The following FSTL4 variants were observed in gnomAD, a reference collection of about 807,000 sequenced individuals.
FSTL4 encodes follistatin like 4, also known as follistatin-related protein 4.
A neutral mutation model predicts 78.2 loss-of-function variants in FSTL4; 28 were observed. That is an observed-to-expected ratio of 0.36 (90% confidence interval 0.27 to 0.49). The LOEUF (loss-of-function observed/expected upper bound fraction) is 0.49. Among genes scored for constraint, FSTL4 ranks in the 20% least tolerant of loss-of-function variants. The pLI, the probability that FSTL4 is intolerant of heterozygous loss-of-function variation, is 0.98. For synonymous variants in FSTL4, 422 were observed against 440.5 expected, an observed-to-expected ratio of 0.96 and a Z score of 0.53; for missense variants, 922 against 1,084.9, an observed-to-expected ratio of 0.85 and a Z score of 2.11.
chr5:133,794,846 G>A, the FSTL4 span, among the ~76,000 whole-genome samples: 1 of 152,032 alleles, frequency 6.6e-6, no homozygotes, highest in African/African-American at 2.4e-5. Context: ...AAGACGGGGG[G>A]AAGATCCATC....
intron 3 of FSTL4, among the ~76,000 whole-genome samples, chr5:133,554,841 C>T (rs967464330): frequency 1.3e-5 from 2 of 152,170 alleles, no homozygotes; most frequent in East Asian, 1.9e-4. Flanking sequence ...ATCTGCGATG[C>T]GGTACGAGAA....
At chr5:133,260,310 G>C (rs557103583) in intron 6 of FSTL4, among the ~76,000 whole-genome samples, 1 of 152,224 alleles carries the variant, frequency 6.6e-6, no homozygotes, top group Non-Finnish European at 1.5e-5. Context: ...GGTCCTGAAA[G>C]AACATGAATA....
intron 6 of FSTL4, among the ~76,000 whole-genome samples, chr5:133,292,565 A>AAC (rs1753290814): frequency 6.6e-6 from 1 of 151,724 alleles, no homozygotes; most frequent in African/African-American, 2.4e-5. Flanking sequence ...CAAAAAAAAA[A>AAC]AAAGAAAGTG....
At chr5:133,719,707 A>T in the FSTL4 span, among the ~76,000 whole-genome samples, 97 of 150,606 alleles carry the variant, frequency 6.4e-4, no homozygotes, top group African/African-American at 2.1e-3. Flanking sequence ...CCATTTGATT[A>T]TATTAGCAAT....
At chr5:133,570,282 T>C (rs1423573449) in intron 2 of FSTL4, among the ~76,000 whole-genome samples, 1 of 152,098 alleles carries the variant, frequency 6.6e-6, no homozygotes, top group Admixed American at 6.5e-5. Flanking sequence ...CCTTTTATTA[T>C]ACTCTGAAAT....
At chr5:133,246,996 G>A (rs937907685) in intron 7 of FSTL4, 1 of 152,176 alleles carries the variant, frequency 6.6e-6, no homozygotes, top group Non-Finnish European at 1.5e-5. Flanking sequence ...ACTTTCCAAG[G>A]TTCTAGTTAG....
chr5:133,583,223 T>C (rs762891281), intron 2 of FSTL4: 1 of 455,608 alleles, frequency 2.2e-6, no homozygotes, highest in South Asian at 1.5e-5. Context: ...CCACAGTTGG[T>C]ATCACAGTAA....
chr5:133,642,591 G>A, the FSTL4 span, among the ~76,000 whole-genome samples: 1 of 152,174 alleles, frequency 6.6e-6, no homozygotes, highest in African/African-American at 2.4e-5. Flanking sequence ...TCAGATGCCA[G>A]ATTTAGACCT....
chr5:133,374,105 A>G (rs942167418), intron 4 of FSTL4, among the ~76,000 whole-genome samples: 2 of 152,128 alleles, frequency 1.3e-5, no homozygotes, highest in African/African-American at 4.8e-5. Context: ...TAGAAGGGTG[A>G]TTTCACAGGA....
chr5:133,645,166 G>A, the FSTL4 span, among the ~76,000 whole-genome samples: 419 of 152,102 alleles, frequency 2.8e-3, 11 homozygotes, highest in East Asian at 0.068. Flanking sequence ...TCGAAATCCC[G>A]ATACATCTGC....
At chr5:133,418,684 G>A (rs928142951) in intron 3 of FSTL4, among the ~76,000 whole-genome samples, 17 of 152,214 alleles carry the variant, frequency 1.1e-4, no homozygotes, top group African/African-American at 3.1e-4. Flanking sequence ...AATAAGGAGA[G>A]TGACTGAGAG....
In FSTL4 at chr5:133,312,874, G is replaced by A. The variant is rs1008389739; in HGVS notation, c.604-97C>T. On this transcript the variant is annotated intron_variant, in intron 5 of 15. Coordinates refer to ENST00000265342, the MANE Select transcript of FSTL4 (RefSeq NM_015082.2). ...CAGGCCAAGAGGGAATCCAGGGACA[G>A]CTCAGTGGGCCTTGAGGGGTACCTG... 6 of 1,139,222 alleles carry A rather than the reference G, an allele frequency of 5.3e-6. No individual in the cohort carries two copies. In the African/African-American group the frequency reaches 7.7e-5, roughly 15 times the overall value. 70.6% of individuals were successfully genotyped at this position (1,139,222 alleles called of 1,614,324 possible).
chr5:133,579,597 T>C (rs1760358411), intron 2 of FSTL4, among the ~76,000 whole-genome samples: 1 of 151,470 alleles, frequency 6.6e-6, no homozygotes, highest in Non-Finnish European at 1.5e-5. Context: ...GGGGAAGGAG[T>C]TCATGTTTAA....
At chr5:133,391,997 T>G (rs1395071446) in intron 4 of FSTL4, among the ~76,000 whole-genome samples, 3 of 152,244 alleles carry the variant, frequency 2.0e-5, no homozygotes, top group Non-Finnish European at 2.9e-5. Context: ...AAATAGTATC[T>G]GATGCATAGT....
chr5:133,515,306 C>T (rs1171980931), intron 3 of FSTL4, among the ~76,000 whole-genome samples: 1 of 151,652 alleles, frequency 6.6e-6, no homozygotes, highest in Non-Finnish European at 1.5e-5. Context: ...GTGGGAGGAT[C>T]ACTTGAGGTC....
rs576178658 is a variant in FSTL4, at chr5:133,363,548, C to T, written c.409+37190G>A. Reference sequence around the variant, plus strand: ...CCAGCCCTGAATTTGAATGGCCAGCCGCAATGTAGGTCTAACTATATTAAG... The same window carrying T: ...CCAGCCCTGAATTTGAATGGCCAGCTGCAATGTAGGTCTAACTATATTAAG... On this transcript the variant is annotated intron_variant, in intron 4 of 15. Transcript: ENST00000265342. Among the ~76,000 whole-genome samples the T allele has an allele frequency of 2.4e-4, 37 of 152,266 alleles. No individual in the cohort carries two copies. In the South Asian group the frequency reaches 4.1e-3, roughly 17 times the overall value.
At chr5:133,452,813 G>A (rs760947669) in intron 3 of FSTL4, among the ~76,000 whole-genome samples, 5 of 152,248 alleles carry the variant, frequency 3.3e-5, no homozygotes, top group Admixed American at 6.5e-5. Flanking sequence ...TCCTGCCAGA[G>A]AGAACACACA....
At chr5:133,685,967 G>A in the FSTL4 span, among the ~76,000 whole-genome samples, 1 of 152,176 alleles carries the variant, frequency 6.6e-6, no homozygotes, top group African/African-American at 2.4e-5. Context: ...CAAGTGGCAC[G>A]GTTGTCAGAT....
At chr5:133,795,026 T>A in the FSTL4 span, among the ~76,000 whole-genome samples, 1 of 152,184 alleles carries the variant, frequency 6.6e-6, no homozygotes, top group Non-Finnish European at 1.5e-5. Context: ...ACCAGAAGAA[T>A]TTCTTTCAAT....
Sources: allele counts gnomAD v4.1 joint callset (sites outside exome capture counted in the v4.1 genomes callset), GRCh38; gene constraint gnomAD v4.1.1; transcripts MANE v1.5; gene names NCBI Gene and HGNC (gene_info 2026-07-23, HGNC 2026-07-21).